Variants in LIPA observed in about 807,000 individuals in gnomAD.
LIPA encodes the protein lysosomal acid lipase/cholesteryl ester hydrolase.
LIPA carries 26 observed loss-of-function variants against 40.6 expected under a neutral mutation model. That is an observed-to-expected ratio of 0.64 (90% CI 0.47 to 0.89). The LOEUF is 0.89. LIPA is among the 40% of genes least tolerant of loss of function. The pLI, the probability that LIPA is intolerant of heterozygous loss-of-function variation, is 0.00. For synonymous variants in LIPA, 188 were observed against 168.4 expected, an observed-to-expected ratio of 1.12 and a Z score of -0.90; for missense variants, 455 against 479.6, an observed-to-expected ratio of 0.95 and a Z score of 0.48.
chr10:89,409,908 G>A (rs1439139631), intron 2 of LIPA, among the ~76,000 whole-genome samples: 2 of 152,244 alleles, frequency 1.3e-5, no homozygotes, highest in East Asian at 3.8e-4. Context: ...TTACCCATTT[G>A]TTGTCCCCTA....
rs546884576 is a variant in LIPA, at chr10:89,328,306, G to A, written c.-2+14305C>T. 1.8e-4 allele frequency among the ~76,000 whole-genome samples: 28 copies of A among 152,254 alleles called. 2 individuals carry two copies. The South Asian group carries it at 5.4e-3, about 29-fold the overall frequency. ...GAATGGTTCCCTACGGAACTACATG[G>A]GGGGAGGCAGGGTGGGGAATGCATC... On this transcript the variant is annotated intron_variant, in intron 1 of 5. Coordinates refer to the LIPA transcript ENST00000282673.
chr10:89,356,292 T>G (rs1466859010), intron 2 of LIPA, among the ~76,000 whole-genome samples: 2 of 152,126 alleles, frequency 1.3e-5, no homozygotes, highest in East Asian at 1.9e-4. Flanking sequence ...CCTCAATGTG[T>G]TCACCAACTC....
At chr10:89,236,427 G>C (rs905857846) in intron 3 of LIPA, among the ~76,000 whole-genome samples, 3 of 152,190 alleles carry the variant, frequency 2.0e-5, no homozygotes, top group Non-Finnish European at 4.4e-5. Flanking sequence ...AGTAAAAAGT[G>C]ATCTCTTGCA....
intron 1 of LIPA, among the ~76,000 whole-genome samples, chr10:89,324,162 A>G (rs1312880755): frequency 1.3e-5 from 2 of 152,166 alleles, no homozygotes; most frequent in African/African-American, 2.4e-5. Flanking sequence ...AATGCATGGT[A>G]CTGGTACAAA....
intron 2 of LIPA, among the ~76,000 whole-genome samples, chr10:89,410,524 T>C (rs1841460596): frequency 6.6e-6 from 1 of 152,246 alleles, no homozygotes; most frequent in Non-Finnish European, 1.5e-5. Context: ...GATTATGCCA[T>C]ATTTAGCGAT....
intron 1 of LIPA, among the ~76,000 whole-genome samples, chr10:89,257,375 T>C (rs1214451860): frequency 6.6e-6 from 1 of 152,222 alleles, no homozygotes; most frequent in Non-Finnish European, 1.5e-5. Flanking sequence ...TGTGTGTGTG[T>C]GTGCATATAT....
chr10:89,296,596 G>T (rs1026175246), intron 1 of LIPA, among the ~76,000 whole-genome samples: 1 of 152,048 alleles, frequency 6.6e-6, no homozygotes, highest in African/African-American at 2.4e-5. Flanking sequence ...GACAGGCTTA[G>T]CTGTGCATCC....
At chr10:89,237,606 T>A (rs2133450867) in intron 3 of LIPA, among the ~76,000 whole-genome samples, 1 of 152,298 alleles carries the variant, frequency 6.6e-6, no homozygotes, top group South Asian at 2.1e-4. Flanking sequence ...TACCTATAAA[T>A]CTGCTAATCC....
intron 1 of LIPA, among the ~76,000 whole-genome samples, chr10:89,264,941 C>T (rs376103802): frequency 3.9e-5 from 6 of 152,162 alleles, no homozygotes; most frequent in African/African-American, 1.2e-4. Flanking sequence ...CTGAGGGGAA[C>T]CCACAGGCCC....
chr10:89,334,337 T>C (rs1030806855), intron 1 of LIPA, among the ~76,000 whole-genome samples: 36 of 152,176 alleles, frequency 2.4e-4, no homozygotes, highest in African/African-American at 8.2e-4. Context: ...TCCGAGGTCA[T>C]GGGAAATCTC....
At chr10:89,227,138 C>T in intron 4 of LIPA, 134 bp from the exon 5 acceptor site, 1 of 704,322 alleles carries the variant, frequency 1.4e-6, no homozygotes, top group Non-Finnish European at 2.6e-6. Context: ...CAGGAAACAA[C>T]ACCAGCAGGA....
chr10:89,395,386 A>G (rs1445743621), intron 2 of LIPA, among the ~76,000 whole-genome samples: 1 of 152,128 alleles, frequency 6.6e-6, no homozygotes, highest in Non-Finnish European at 1.5e-5. Context: ...CATGTCCTCA[A>G]TGGCTCCCCC....
intron 8 of LIPA, among the ~76,000 whole-genome samples, chr10:89,217,509 T>C (rs552302397): frequency 2.6e-5 from 4 of 152,374 alleles, no homozygotes; most frequent in African/African-American, 9.6e-5. Context: ...CTTTGTCACA[T>C]GTCCTTCAGC....
At chr10:89,392,741 C>G in intron 2 of LIPA, 1 of 1,612,482 alleles carries the variant, frequency 6.2e-7, no homozygotes, top group African/African-American at 1.3e-5. Flanking sequence ...TGCTCCTCTG[C>G]CATAATGTCT....
At chr10:89,287,611 CCTT>C (rs1843348004) in intron 1 of LIPA, among the ~76,000 whole-genome samples, 1 of 152,142 alleles carries the variant, frequency 6.6e-6, no homozygotes, top group African/African-American at 2.4e-5. Context: ...TCTACTCCCT[CCTT>C]GGTGACCGAT....
intron 1 of LIPA, among the ~76,000 whole-genome samples, chr10:89,322,930 C>T (rs996680120): frequency 5.3e-5 from 8 of 152,192 alleles, no homozygotes; most frequent in African/African-American, 1.7e-4. Flanking sequence ...GAGCTTCCAT[C>T]CCAGTGGTTC....
At chr10:89,306,610 G>A (rs754645055) in intron 1 of LIPA, 1 of 1,614,096 alleles carries the variant, frequency 6.2e-7, no homozygotes, top group Non-Finnish European at 8.5e-7. Flanking sequence ...TGGCTCTGAA[G>A]CTTCATAAGA....
intron 1 of LIPA, chr10:89,307,884 T>A (rs1349978659): frequency 6.4e-6 from 1 of 156,146 alleles, no homozygotes; most frequent in Non-Finnish European, 1.4e-5. Flanking sequence ...CGCTTATCTC[T>A]GCCTCCTTCC....
chr10:89,251,783 C>A (rs886047473), upstream of LIPA: 2 of 152,394 alleles, frequency 1.3e-5, no homozygotes, highest in Admixed American at 1.3e-4. Flanking sequence ...AGTGCCAGCT[C>A]TCAGGGGCCG....
Sources: gnomAD v4.1 joint callset for allele counts (sites outside exome capture counted in the v4.1 genomes callset) on GRCh38, gnomAD v4.1.1 for gene constraint, MANE v1.5 for transcripts, NCBI Gene and HGNC (gene_info 2026-07-23, HGNC 2026-07-21) for gene names.